Variants in POMGNT2 observed in about 807,000 individuals in gnomAD.
POMGNT2 encodes protein O-linked-mannose beta-1,4-N-acetylglucosaminyltransferase 2.
A neutral mutation model predicts 37.8 loss-of-function variants in POMGNT2; 32 were observed. That is an observed-to-expected ratio of 0.85 (90% CI 0.64 to 1.14). POMGNT2 has a LOEUF of 1.14. Ranked by LOEUF, POMGNT2 falls within the 50% of genes most tolerant of loss-of-function variation. The pLI is 0.00. For missense variants in POMGNT2, 705 were observed against 780.6 expected (o/e 0.90, Z 1.15); for synonymous variants, 340 against 336.8 (o/e 1.01, Z -0.10).
At chr3:43,105,469 C>A (rs1284028463) in intron 1 of POMGNT2, among the ~76,000 whole-genome samples, 3 of 152,168 alleles carry the variant, frequency 2.0e-5, no homozygotes, top group Admixed American at 6.5e-5. Context: ...CACCCATCAC[C>A]TCCCAAAGCA....
At chr3:43,104,742 A>T (rs2090044915) in intron 1 of POMGNT2, among the ~76,000 whole-genome samples, 1 of 152,248 alleles carries the variant, frequency 6.6e-6, no homozygotes, top group African/African-American at 2.4e-5. Context: ...TTCTGTCGTT[A>T]GTCACCACGA....
At chr3:43,104,272 T>C (rs1181421288) in intron 1 of POMGNT2, among the ~76,000 whole-genome samples, 3 of 152,186 alleles carry the variant, frequency 2.0e-5, no homozygotes, top group Non-Finnish European at 4.4e-5. Flanking sequence ...ACGTGATTGG[T>C]AGGTCCTGGG....
In POMGNT2 at chr3:43,080,852, TGAA is replaced by T. The variant is rs1642018279; in HGVS notation, c.577_579del (p.Phe193del). 3 of 1,613,880 alleles carry T rather than the reference TGAA, an allele frequency of 1.9e-6. No individual in the cohort carries two copies. Among genetic ancestry groups the T allele is most frequent in the East Asian group, 4.5e-5 (2 of 44,846 alleles). The stretch of plus-strand genomic sequence containing the variant: ...TGTGCACCCTCGCCCCAGCCCTCCA[TGAA>T]GAAGAGCCGTGCCTCGTGGGCCAGG... On this transcript the variant is annotated inframe_deletion, in exon 2 of 2. Transcript: ENST00000344697.
At position 43,081,346 on chromosome 3, in the gene POMGNT2, G is replaced by C; in HGVS notation, c.86C>G (p.Ala29Gly). 6.2e-7 allele frequency: 1 copy of C among 1,609,812 alleles called. No homozygotes were observed. Among genetic ancestry groups the C allele is most frequent in the Non-Finnish European group, 8.5e-7 (1 of 1,179,824 alleles). ...GGCCAGCTCCTCCTCCAGTGTGGCT[G>C]CATGCTCACGCAGCCGCACATGCTT... The part of the protein sequence containing the change: ...LWKHVRLREH[A>G]ATLEEELALS... The change falls in exon 2 of 2, where the codon GCA (alanine) becomes GGA (glycine). Residue 29 changes from alanine (A) to glycine (G), a missense_variant. Coordinates refer to ENST00000344697, the MANE Select transcript of POMGNT2 (RefSeq NM_032806.6).
chr3:43,097,749 G>C (rs753844045), intron 1 of POMGNT2, among the ~76,000 whole-genome samples: 3 of 152,158 alleles, frequency 2.0e-5, no homozygotes, highest in African/African-American at 4.8e-5. Flanking sequence ...GATTTTCCCA[G>C]AGAAGCAAAA....
intron 1 of POMGNT2, among the ~76,000 whole-genome samples, chr3:43,104,041 A>G (rs1559422411): frequency 1.3e-5 from 2 of 152,216 alleles, no homozygotes; most frequent in Non-Finnish European, 2.9e-5. Context: ...TACACGCATT[A>G]TCTCATTTAT....
chr3:43,079,799 T>G lies in POMGNT2; in HGVS notation c.1633A>C (p.Thr545Pro). 6.2e-7 allele frequency: 1 copy of G among 1,614,164 alleles called. No individual in the cohort carries two copies. The highest frequency in any genetic ancestry group is 8.5e-7 in the Non-Finnish European group (1 of 1,180,034). The stretch of plus-strand genomic sequence containing the variant: ...AAGGGCTTGATGTTCTCAGTGAAGG[T>G]GTGGTTCTGCAGAGCCAGGATGTAA... ...VPYILALQNH[T>P]FTENIKPFTT... Residue 545 changes from threonine (T) to proline (P), a missense_variant, in exon 2 of 2, where the codon ACC becomes CCC. By Grantham distance (38) the Thr-to-Pro change is conservative. Transcript: ENST00000344697.
In POMGNT2 at chr3:43,100,638, CAAT is replaced by C. The variant is rs549716945; in HGVS notation, c.-106+5195_-106+5197del. 5.2e-3 allele frequency among the ~76,000 whole-genome samples: 798 copies of C among 152,312 alleles called. 5 individuals carry two copies. Among genetic ancestry groups the C allele is most frequent in the Non-Finnish European group, 7.5e-3 (513 of 68,036 alleles). On this transcript the variant is annotated intron_variant, in intron 1 of 1. Transcript: ENST00000344697. Reference sequence around the variant, plus strand: ...GAAATGAATATTGATACTATAATGACAATGATATTATTATTAACATATGGTTTC... The same window carrying C: ...GAAATGAATATTGATACTATAATGACGATATTATTATTAACATATGGTTTC...
Position 43,081,358 on chromosome 3 carries a change from A to G in POMGNT2, c.74T>C (p.Leu25Pro), listed in dbSNP as rs2125701275. 2 of 1,609,260 alleles carry G rather than the reference A, an allele frequency of 1.2e-6. No individual in the cohort carries two copies. Among genetic ancestry groups the G allele is most frequent in the East Asian group, 2.2e-5 (1 of 44,852 alleles). Residue 25 changes from leucine to proline, a missense_variant, in exon 2 of 2, where the codon CTG (leucine) becomes CCG (proline). Leu to Pro is a moderately conservative substitution (Grantham distance 98). Coordinates refer to ENST00000344697, the MANE Select transcript of POMGNT2 (RefSeq NM_032806.6). ...LAAVLWKHVR[L>P]REHAATLEEE... ...CTCCAGTGTGGCTGCATGCTCACGC[A>G]GCCGCACATGCTTCCACAGGACCGC...
At chr3:43,085,976 C>T (rs1422482616) in intron 1 of POMGNT2, among the ~76,000 whole-genome samples, 2 of 152,162 alleles carry the variant, frequency 1.3e-5, no homozygotes, top group Non-Finnish European at 2.9e-5. Context: ...CCAGCTGGTT[C>T]ACTCTTTTCT....
chr3:43,094,088 T>C (rs2089962620), intron 1 of POMGNT2, among the ~76,000 whole-genome samples: 1 of 152,168 alleles, frequency 6.6e-6, no homozygotes, highest in Admixed American at 6.5e-5. Flanking sequence ...AATTGGGCAG[T>C]CAGTGGTCAC....
Position 43,081,531 on chromosome 3 carries a change from GA to G in POMGNT2, c.-101del. 9.9e-7 allele frequency: 1 copy of G among 1,012,876 alleles called. No homozygotes were observed. The allele number at this position is 1,012,876 out of a possible 1,614,324, so 62.7% of individuals were successfully genotyped here. A position where few individuals can be genotyped will look rare whatever the true frequency, so the allele number is the denominator to read the frequency against. On this transcript the variant is annotated 5_prime_UTR_variant, in exon 2 of 2. Coordinates refer to ENST00000344697, the MANE Select transcript of POMGNT2 (RefSeq NM_032806.6). ...CCCTATGGGCATCCTGAGAACTGGT[GA>G]AAGCCTGCAGGAGGAGAGAAGGAAA... is the stretch of plus-strand genomic sequence containing the variant.
intron 1 of POMGNT2, among the ~76,000 whole-genome samples, chr3:43,094,480 A>C (rs1007235057): frequency 1.3e-5 from 2 of 152,226 alleles, no homozygotes; most frequent in African/African-American, 2.4e-5. Context: ...TGACAACAGA[A>C]CAGCAGCAAG....
At position 43,085,606 on chromosome 3, in the gene POMGNT2, C is replaced by G. The variant is rs1056223167; in HGVS notation, c.-105-4070G>C. Among the ~76,000 whole-genome samples, 4 of 152,068 alleles carry G rather than the reference C, an allele frequency of 2.6e-5. No homozygotes were observed. The East Asian group carries it at 7.7e-4, about 29-fold the overall frequency. ...CCCCAGCCATGTGGAACTGTAAGTC[C>G]AATAAACCTCTTTCTTTTGTGAATT... On this transcript the variant is annotated intron_variant, in intron 1 of 1. Coordinates refer to ENST00000344697, the MANE Select transcript of POMGNT2 (RefSeq NM_032806.6).
intron 1 of POMGNT2, among the ~76,000 whole-genome samples, chr3:43,101,149 C>T (rs146708515): frequency 7.0e-4 from 106 of 152,318 alleles, no homozygotes; most frequent in Middle Eastern, 6.8e-3. Flanking sequence ...GATGGTGACA[C>T]GTGCAACCCA....
chr3:43,082,171 T>C (rs1019966462), intron 1 of POMGNT2, among the ~76,000 whole-genome samples: 2 of 152,142 alleles, frequency 1.3e-5, no homozygotes, highest in Non-Finnish European at 2.9e-5. Flanking sequence ...CATAGGAAAA[T>C]CCCTTGCAGG....
chr3:43,082,589 G>T (rs2089865670), intron 1 of POMGNT2, among the ~76,000 whole-genome samples: 1 of 152,218 alleles, frequency 6.6e-6, no homozygotes, highest in Non-Finnish European at 1.5e-5. Context: ...TATCATGCCT[G>T]CTCTGGGACC....
rs114401001 is a variant in POMGNT2, at chr3:43,079,503, G to A, written c.*186C>T. 573 of 571,160 alleles carry A rather than the reference G, an allele frequency of 1.0e-3. 4 individuals are homozygous for A. In the African/African-American group the frequency reaches 0.01, roughly 10 times the overall value. 35.4% of individuals were successfully genotyped at this position (571,160 alleles called of 1,614,324 possible). A position where few individuals can be genotyped will look rare whatever the true frequency, so the allele number is the denominator to read the frequency against. Reference sequence around the variant, plus strand: ...AATGTTCAGGATGGGAGAAGGGGAAGTCAGGTCCCTTATCTCTAGGGCAAA... The same window carrying A: ...AATGTTCAGGATGGGAGAAGGGGAAATCAGGTCCCTTATCTCTAGGGCAAA... On this transcript the variant is annotated 3_prime_UTR_variant, in exon 2 of 2. Transcript: ENST00000344697.
chr3:43,095,385 G>C (rs1037526824), intron 1 of POMGNT2, among the ~76,000 whole-genome samples: 1 of 152,248 alleles, frequency 6.6e-6, no homozygotes, highest in Non-Finnish European at 1.5e-5. Context: ...GGCTTACAGA[G>C]CCTCCAATGA....
Sources: gnomAD v4.1 joint callset for allele counts (sites outside exome capture counted in the v4.1 genomes callset) on GRCh38, gnomAD v4.1.1 for gene constraint, MANE v1.5 for transcripts, NCBI Gene and HGNC (gene_info 2026-07-23, HGNC 2026-07-21) for gene names.